Variants in RBMS3 observed in about 807,000 individuals in gnomAD.
The protein encoded by RBMS3 is RNA-binding motif, single-stranded-interacting protein 3.
A neutral mutation model predicts 66.8 loss-of-function variants in RBMS3; 27 were observed. The observed-to-expected ratio is 0.40, with a 90% CI of 0.30 to 0.56. RBMS3 has a LOEUF of 0.56. Among genes scored for constraint, RBMS3 ranks in the 20% least tolerant of loss-of-function variants. RBMS3 has a pLI of 0.40. For synonymous variants in RBMS3, 188 were observed against 183.0 expected (o/e 1.03, Z -0.22); for missense variants, 513 against 549.5 (o/e 0.93, Z 0.66).
chr3:29,826,559 C>T (rs138462578), intron 6 of RBMS3, among the ~76,000 whole-genome samples: 7 of 152,272 alleles, frequency 4.6e-5, no homozygotes, highest in Non-Finnish European at 5.9e-5. Flanking sequence ...TGGCTTAAAA[C>T]AACATAATCT....
At chr3:29,320,250 G>A (rs1467237920) in intron 1 of RBMS3, among the ~76,000 whole-genome samples, 1 of 151,868 alleles carries the variant, frequency 6.6e-6, no homozygotes, top group Non-Finnish European at 1.5e-5. Flanking sequence ...ATGAAGGAAC[G>A]GAGGTTCTAC....
Position 29,444,974 on chromosome 3 carries a change from C to T in RBMS3, c.248+10059C>T, listed in dbSNP as rs1218585569. On this transcript the variant is annotated intron_variant, in intron 2 of 14. Transcript: ENST00000383767. The stretch of plus-strand genomic sequence containing the variant: ...CTTTCTTTTCCTGTCTGTTTCCTTC[C>T]CTCCCTACTCCCTACCAATCTGTAC... Among the ~76,000 whole-genome samples the T allele has an allele frequency of 2.0e-5, 3 of 150,942 alleles. 1 individual carries two copies. The South Asian group carries it at 6.3e-4, about 32-fold the overall frequency.
chr3:29,915,899 T>G (rs969440629), intron 10 of RBMS3, among the ~76,000 whole-genome samples: 15 of 152,014 alleles, frequency 9.9e-5, no homozygotes, highest in African/African-American at 3.4e-4. Context: ...CTTTAGTCTT[T>G]TCTCTTGAGA....
intron 1 of RBMS3, among the ~76,000 whole-genome samples, chr3:29,406,778 T>C (rs2040034775): frequency 6.6e-6 from 1 of 152,240 alleles, no homozygotes; most frequent in African/African-American, 2.4e-5. Flanking sequence ...ACTAATTTTT[T>C]AGTTTTTGTT....
At chr3:29,972,711 T>C (rs1697306476) in intron 12 of RBMS3, among the ~76,000 whole-genome samples, 1 of 152,130 alleles carries the variant, frequency 6.6e-6, no homozygotes, top group Non-Finnish European at 1.5e-5. Flanking sequence ...GCATTCACGA[T>C]GTGTGGGCTG....
At chr3:29,785,927 G>A (rs1050204437) in intron 6 of RBMS3, among the ~76,000 whole-genome samples, 2 of 151,890 alleles carry the variant, frequency 1.3e-5, no homozygotes, top group African/African-American at 4.8e-5. Flanking sequence ...AGATATGATC[G>A]TATACCTAGA....
intron 3 of RBMS3, 144 bp from the exon 4 acceptor site, chr3:29,586,970 C>A: frequency 3.5e-6 from 2 of 566,310 alleles, no homozygotes; most frequent in African/African-American, 1.9e-5. Flanking sequence ...CATTAAGGAC[C>A]ACTAATCTAA....
intron 2 of RBMS3, among the ~76,000 whole-genome samples, chr3:29,455,765 G>A (rs11129367): frequency 1.3e-5 from 2 of 151,148 alleles, no homozygotes; most frequent in Admixed American, 6.6e-5. Context: ...ACCACTACAC[G>A]TGGGGACCAT....
intron 1 of RBMS3, among the ~76,000 whole-genome samples, chr3:29,382,592 A>G (rs555085915): frequency 1.7e-4 from 26 of 152,282 alleles, no homozygotes; most frequent in Non-Finnish European, 3.2e-4. Context: ...AAGCACTGCA[A>G]CTCACACTGC....
At chr3:29,912,848 T>C (rs2060549136) in intron 10 of RBMS3, among the ~76,000 whole-genome samples, 1 of 152,038 alleles carries the variant, frequency 6.6e-6, no homozygotes. Context: ...ACCATCTGAT[T>C]TATAGTTTCA....
intron 4 of RBMS3, among the ~76,000 whole-genome samples, chr3:29,722,668 A>T (rs1386170102): frequency 6.6e-6 from 1 of 151,988 alleles, no homozygotes; most frequent in Non-Finnish European, 1.5e-5. Context: ...TCATCTTGAC[A>T]TTTTTGAAGA....
At chr3:29,953,551 T>C (rs1695822828) in intron 12 of RBMS3, among the ~76,000 whole-genome samples, 1 of 151,958 alleles carries the variant, frequency 6.6e-6, no homozygotes, top group African/African-American at 2.4e-5. Flanking sequence ...GAATATTAAA[T>C]GTCCTTGGTG....
At chr3:29,960,954 AT>A (rs1696393037) in intron 12 of RBMS3, among the ~76,000 whole-genome samples, 1 of 151,754 alleles carries the variant, frequency 6.6e-6, no homozygotes, top group African/African-American at 2.4e-5. Flanking sequence ...CCCTGGAGAC[AT>A]TTTTCCCATT....
At position 29,356,319 on chromosome 3, in the gene RBMS3, G is replaced by A. The variant is rs550966535; in HGVS notation, c.75+74563G>A. The stretch of plus-strand genomic sequence containing the variant: ...TTCACAAACCTCTCAGTAAAGTAGT[G>A]ATGGGAAAATACTTTTGTTCTATGT... On this transcript the variant is annotated intron_variant, in intron 1 of 14. Coordinates refer to ENST00000383767, the MANE Select transcript of RBMS3 (RefSeq NM_001003793.3). Among the ~76,000 whole-genome samples, 15 of 152,276 alleles carry A rather than the reference G, an allele frequency of 9.9e-5. No individual in the cohort carries two copies. In the East Asian group the frequency reaches 2.1e-3, roughly 22 times the overall value.
intron 3 of RBMS3, 39 bp downstream of exon 3, chr3:29,488,538 T>C (rs757307599): frequency 3.5e-5 from 54 of 1,549,480 alleles, no homozygotes; most frequent in Non-Finnish European, 4.5e-5. Context: ...ATCTTGCCTA[T>C]GCTATCTGAT....
At chr3:29,805,163 C>T (rs1480419003) in intron 6 of RBMS3, among the ~76,000 whole-genome samples, 1 of 151,952 alleles carries the variant, frequency 6.6e-6, no homozygotes, top group Non-Finnish European at 1.5e-5. Context: ...TATAATGGAG[C>T]TGAAACATTT....
At position 29,942,852 on chromosome 3, in the gene RBMS3, A is replaced by G. The variant is rs118169201; in HGVS notation, c.1051-1355A>G. On this transcript the variant is annotated intron_variant, in intron 11 of 14. Transcript: ENST00000383767. ...TTTGGAGTGGAAATGTGTGATTGCAATTTTTCAAAAGGTACTAGGAGTTAC... is the reference window on the plus strand; with the variant it reads ...TTTGGAGTGGAAATGTGTGATTGCAGTTTTTCAAAAGGTACTAGGAGTTAC... Among the ~76,000 whole-genome samples, 536 of 150,588 alleles carry G rather than the reference A, an allele frequency of 3.6e-3. 16 individuals are homozygous for G. The East Asian group carries it at 0.04, about 11-fold the overall frequency.
At chr3:29,462,383 G>C (rs1575886974) in intron 2 of RBMS3, among the ~76,000 whole-genome samples, 1 of 152,212 alleles carries the variant, frequency 6.6e-6, no homozygotes. Context: ...CTGCTTTCTT[G>C]CATGTACATT....
chr3:29,975,542 T>G (rs1422883329), intron 12 of RBMS3, among the ~76,000 whole-genome samples: 1 of 151,972 alleles, frequency 6.6e-6, no homozygotes, highest in Non-Finnish European at 1.5e-5. Context: ...ATATGCATAT[T>G]ATCGTTTACA....
Sources: gnomAD v4.1 joint callset for allele counts (sites outside exome capture counted in the v4.1 genomes callset) on GRCh38, gnomAD v4.1.1 for gene constraint, MANE v1.5 for transcripts, NCBI Gene and HGNC (gene_info 2026-07-23, HGNC 2026-07-21) for gene names.